Variants in NGEF observed in about 807,000 individuals in gnomAD.
NGEF encodes ephexin-1.
In NGEF, 31 loss-of-function variants were observed where a neutral mutation model predicts 80.9. The ratio of observed to expected loss-of-function variants is 0.38; its 90% confidence interval spans 0.29 to 0.52. The LOEUF (loss-of-function observed/expected upper bound fraction) is 0.52, where lower values mean the gene tolerates loss of function less well. Among genes scored for constraint, NGEF ranks in the 20% least tolerant of loss-of-function variants. NGEF has a pLI of 0.84. For synonymous variants in NGEF, 371 were observed against 370.2 expected (o/e 1.00, Z -0.03); for missense variants, 709 against 926.2 (o/e 0.77, Z 3.04).
At chr2:232,911,703 GCA>G (rs1219996930) in intron 5 of NGEF, among the ~76,000 whole-genome samples, 1 of 152,090 alleles carries the variant, frequency 6.6e-6, no homozygotes, top group South Asian at 2.1e-4. Context: ...GTGGTTTTCA[GCA>G]CAGAGATCCT....
At chr2:232,953,186 T>C (rs778072850) in intron 3 of NGEF, among the ~76,000 whole-genome samples, 19 of 148,778 alleles carry the variant, frequency 1.3e-4, no homozygotes, top group Non-Finnish European at 2.2e-4. Flanking sequence ...CCTGTAATCC[T>C]AGCTAGTGGG....
intron 3 of NGEF, chr2:232,928,218 C>A (rs1574617628): frequency 1.1e-6 from 1 of 928,144 alleles, no homozygotes; most frequent in Non-Finnish European, 1.3e-6. Flanking sequence ...GCGGGAGGGG[C>A]GCGCGCGGCG....
intron 3 of NGEF, among the ~76,000 whole-genome samples, chr2:232,946,535 C>T (rs1388679072): frequency 6.6e-6 from 1 of 152,252 alleles, no homozygotes; most frequent in Non-Finnish European, 1.5e-5. Context: ...CACACGCACA[C>T]ATACATGGGC....
chr2:232,982,406 C>T (rs981438248), intron 1 of NGEF, among the ~76,000 whole-genome samples: 3 of 152,158 alleles, frequency 2.0e-5, no homozygotes, highest in African/African-American at 4.8e-5. Context: ...CCCCAGCACC[C>T]CTAAGAGAGG....
At chr2:232,896,962 TG>T (rs567780551) in intron 5 of NGEF, among the ~76,000 whole-genome samples, 126 of 95,372 alleles carry the variant, frequency 1.3e-3, no homozygotes, top group African/African-American at 4.9e-3. Context: ...CAGGTGAGGA[TG>T]GGGGTAGTGG....
chr2:232,894,595 G>T, intron 6 of NGEF, 161 bp downstream of exon 6: 1 of 783,614 alleles, frequency 1.3e-6, no homozygotes, highest in Non-Finnish European at 1.8e-6. Context: ...GGGTGGTGAG[G>T]TTTGGATTTA....
intron 5 of NGEF, among the ~76,000 whole-genome samples, chr2:232,907,815 T>TTTTTAAATG (rs892703896): frequency 6.6e-6 from 1 of 152,196 alleles, no homozygotes; most frequent in African/African-American, 2.4e-5. Flanking sequence ...TTTTTAAATG[T>TTTTTAAATG]TTGCATCTTT....
At chr2:232,986,522 A>G (rs2106331056) in intron 1 of NGEF, among the ~76,000 whole-genome samples, 1 of 152,384 alleles carries the variant, frequency 6.6e-6, no homozygotes, top group East Asian at 1.9e-4. Flanking sequence ...TCATTCAGCC[A>G]TAAAAAAGGA....
intron 5 of NGEF, among the ~76,000 whole-genome samples, chr2:232,903,014 A>AAACAG (rs1692401190): frequency 1.3e-5 from 2 of 151,948 alleles, no homozygotes; most frequent in Non-Finnish European, 2.9e-5. Context: ...AAACAAAACA[A>AAACAG]AACAAAAAAT....
chr2:232,943,517 A>T (rs1262201822), intron 3 of NGEF, among the ~76,000 whole-genome samples: 10 of 138,496 alleles, frequency 7.2e-5, no homozygotes, highest in Non-Finnish European at 1.2e-4. Context: ...TTTTTTTGAG[A>T]CGGAGTCTCA....
rs147495202 is a variant in NGEF at position 232,991,981 on chromosome 2, T to C, written c.-74-17017A>G. On this transcript the variant is annotated intron_variant, in intron 1 of 14. Transcript: ENST00000264051. Reference sequence around the variant, plus strand: ...GTAAGACCATTCAATGAGAAAAGGATAGTTGCCTTCAACAAATAGTGCTGG... The same window carrying C: ...GTAAGACCATTCAATGAGAAAAGGACAGTTGCCTTCAACAAATAGTGCTGG... Among the ~76,000 whole-genome samples, 351 of 152,306 alleles carry C rather than the reference T, an allele frequency of 2.3e-3. 4 individuals carry two copies. Among genetic ancestry groups the C allele is most frequent in the East Asian group, 0.021 (109 of 5,192 alleles).
In NGEF at chr2:232,954,552, C is replaced by T. The variant is rs538278126; in HGVS notation, c.383+15662G>A. ...CATCCTGGCTAACACGGTGAAACGCCGTCTCTACTAAAAATACAAAAAATT... is the reference window on the plus strand; with the variant it reads ...CATCCTGGCTAACACGGTGAAACGCTGTCTCTACTAAAAATACAAAAAATT... On this transcript the variant is annotated intron_variant, in intron 3 of 14. Transcript: ENST00000264051. Among the ~76,000 whole-genome samples the T allele has an allele frequency of 1.2e-3, 175 of 151,924 alleles. 1 individual carries two copies. The highest frequency in any genetic ancestry group is 3.7e-3 in the African/African-American group (155 of 41,446).
At chr2:232,886,827 C>T (rs989405692) in intron 9 of NGEF, among the ~76,000 whole-genome samples, 1 of 152,242 alleles carries the variant, frequency 6.6e-6, no homozygotes, top group African/African-American at 2.4e-5. Context: ...AACTCACATC[C>T]AATCAGGTAA....
intron 3 of NGEF, among the ~76,000 whole-genome samples, chr2:232,949,843 C>T (rs896394784): frequency 1.3e-5 from 2 of 150,998 alleles, no homozygotes; most frequent in African/African-American, 4.9e-5. Context: ...TGAAGTCTCA[C>T]TCTTGTTGCC....
At chr2:232,917,154 T>G (rs11690329) in intron 5 of NGEF, among the ~76,000 whole-genome samples, 1 of 152,154 alleles carries the variant, frequency 6.6e-6, no homozygotes, top group East Asian at 1.9e-4. Flanking sequence ...AGCTGAAAGC[T>G]CTGAAGAGTC....
chr2:232,956,495 C>T lies in NGEF; in HGVS notation c.383+13719G>A, dbSNP rs1324613814. Among the ~76,000 whole-genome samples the T allele has an allele frequency of 2.6e-5, 4 of 152,038 alleles. No homozygotes were observed. The East Asian group carries it at 5.8e-4, about 22-fold the overall frequency. ...TTAAGAACCAGAATTAGGCTGGGCA[C>T]AGTGGCTCACACCTGTAATCCCAGC... On this transcript the variant is annotated intron_variant, in intron 3 of 14. Transcript: ENST00000264051.
intron 4 of NGEF, among the ~76,000 whole-genome samples, chr2:232,923,170 A>G (rs1437910946): frequency 6.6e-6 from 1 of 152,216 alleles, no homozygotes; most frequent in African/African-American, 2.4e-5. Flanking sequence ...AAGGCTCAAA[A>G]ATATGTCTTA....
intron 1 of NGEF, among the ~76,000 whole-genome samples, chr2:233,008,759 A>G (rs1231632760): frequency 6.6e-6 from 1 of 150,582 alleles, no homozygotes; most frequent in Non-Finnish European, 1.5e-5. Context: ...TTCAATAGAT[A>G]TTTCTTTTTC....
chr2:232,979,137 C>T lies in NGEF; in HGVS notation c.-74-4173G>A, dbSNP rs552073507. 3.9e-5 allele frequency among the ~76,000 whole-genome samples: 6 copies of T among 152,214 alleles called. No individual in the cohort carries two copies. The East Asian group carries it at 1.2e-3, about 29-fold the overall frequency. ...CTGCTTGTAATCACAGGCTTAACAT[C>T]AGGCAAGTCAGGGCCTCAGTTTCCT... is the stretch of plus-strand genomic sequence containing the variant. On this transcript the variant is annotated intron_variant, in intron 1 of 14. Transcript: ENST00000264051.
Sources: allele counts gnomAD v4.1 joint callset (sites outside exome capture counted in the v4.1 genomes callset), GRCh38; gene constraint gnomAD v4.1.1; transcripts MANE v1.5; gene names NCBI Gene and HGNC (gene_info 2026-07-23, HGNC 2026-07-21).